The following SH3RF2 variants were observed in gnomAD, a reference collection of about 807,000 sequenced individuals.
SH3RF2 encodes the protein SH3 domain containing ring finger 2, also known as E3 ubiquitin-protein ligase SH3RF2.
SH3RF2 carries 43 observed loss-of-function variants against 59.0 expected under a neutral mutation model. The ratio of observed to expected loss-of-function variants is 0.73; its 90% CI spans 0.57 to 0.94. The LOEUF is 0.94. Ranked by LOEUF, SH3RF2 falls within the 40% of genes least tolerant of loss-of-function variation. The probability of loss-of-function intolerance (pLI) is 0.00; values close to 1 mark genes in which losing one functional copy is unlikely to be tolerated. For missense variants in SH3RF2, 930 were observed against 940.1 expected (o/e 0.99, Z 0.14); for synonymous variants, 391 against 391.5 (o/e 1.00, Z 0.01).
rs893708577 is a variant in SH3RF2, at chr5:146,060,139, A to G, written c.1829A>G (p.Lys610Arg). The G allele has an allele frequency of 6.2e-7, 1 of 1,614,194 alleles. No homozygotes were observed. Among genetic ancestry groups the G allele is most frequent in the Non-Finnish European group, 8.5e-7 (1 of 1,180,040 alleles). Residue 610 changes from lysine to arginine, a missense_variant, in exon 9 of 10, where the codon AAG becomes AGG. Physicochemically the swap from Lys to Arg is conservative, Grantham distance 26. Coordinates refer to ENST00000359120, the MANE Select transcript of SH3RF2 (RefSeq NM_152550.4). Reference protein sequence around the residue: ...LIMEDKEIPIKSEPLPKPPAS... With the variant: ...LIMEDKEIPIRSEPLPKPPAS... ...ATGGAAGACAAAGAAATCCCCATCA[A>G]GAGTGAGCCTCTGCCAAAACCGCCC...
chr5:146,026,933 C>T (rs1761549394), intron 5 of SH3RF2, among the ~76,000 whole-genome samples: 1 of 152,186 alleles, frequency 6.6e-6, no homozygotes, highest in East Asian at 1.9e-4. Flanking sequence ...TGGTAAATGG[C>T]TCAATAAATG....
At chr5:146,053,046 T>C (rs1003005341) in intron 7 of SH3RF2, among the ~76,000 whole-genome samples, 1 of 152,214 alleles carries the variant, frequency 6.6e-6, no homozygotes, top group Admixed American at 6.5e-5. Context: ...CATTTGAACC[T>C]ATGCTCTTAT....
chr5:146,005,993 C>G (rs191354988), intron 4 of SH3RF2, among the ~76,000 whole-genome samples: 134 of 152,170 alleles, frequency 8.8e-4, no homozygotes, highest in African/African-American at 3.2e-3. Context: ...TTTAATTATT[C>G]ACTAATTTTT....
intron 7 of SH3RF2, chr5:146,055,745 A>G (rs546337528): frequency 2.5e-5 from 14 of 568,416 alleles, no homozygotes; most frequent in Non-Finnish European, 4.1e-5. Flanking sequence ...CAAGGCCTTG[A>G]TATGAGCCCC....
intron 5 of SH3RF2, among the ~76,000 whole-genome samples, chr5:146,023,199 TTTTTTTC>T (rs967182541): frequency 5.3e-4 from 81 of 152,174 alleles, no homozygotes; most frequent in African/African-American, 9.6e-4. Context: ...CCATACATTC[TTTTTTTC>T]TTTTTTCTTT....
intron 5 of SH3RF2, among the ~76,000 whole-genome samples, chr5:146,018,507 T>C (rs1302706981): frequency 5.3e-5 from 8 of 149,754 alleles, no homozygotes; most frequent in Non-Finnish European, 1.0e-4. Context: ...TATAGATATA[T>C]ACACACCCAC....
At chr5:145,981,563 T>C (rs1283007797) in intron 2 of SH3RF2, among the ~76,000 whole-genome samples, 1 of 152,210 alleles carries the variant, frequency 6.6e-6, no homozygotes, top group Admixed American at 6.5e-5. Flanking sequence ...GATTGGGTCA[T>C]TTGCCTCGTA....
At chr5:145,997,284 G>T in intron 2 of SH3RF2, 1 of 988,690 alleles carries the variant, frequency 1.0e-6, no homozygotes, top group Admixed American at 1.7e-5. Context: ...TGGAACCAAA[G>T]AAGAGGAATC....
intron 4 of SH3RF2, 40 bp from the exon 5 acceptor site, chr5:146,013,707 C>A (rs755702416): frequency 3.7e-6 from 6 of 1,608,652 alleles, no homozygotes; most frequent in South Asian, 2.2e-5. Flanking sequence ...CACATTAGAT[C>A]AGGAAGACAA....
At chr5:145,985,301 G>A (rs1032526864) in intron 2 of SH3RF2, among the ~76,000 whole-genome samples, 1 of 152,124 alleles carries the variant, frequency 6.6e-6, no homozygotes, top group East Asian at 1.9e-4. Flanking sequence ...GTATAAATAC[G>A]CACACACACA....
chr5:145,982,359 C>T, intron 2 of SH3RF2, among the ~76,000 whole-genome samples: 1 of 152,218 alleles, frequency 6.6e-6, no homozygotes, highest in African/African-American at 2.4e-5. Context: ...GAGCACATTT[C>T]ATAGCACACC....
At chr5:145,990,666 C>G (rs770318649) in intron 2 of SH3RF2, among the ~76,000 whole-genome samples, 1 of 152,186 alleles carries the variant, frequency 6.6e-6, no homozygotes, top group Non-Finnish European at 1.5e-5. Context: ...CTTGTGGCTT[C>G]CAGACCCTAC....
chr5:146,061,102 A>G (rs895777274), intron 9 of SH3RF2, among the ~76,000 whole-genome samples: 1 of 152,188 alleles, frequency 6.6e-6, no homozygotes, highest in African/African-American at 2.4e-5. Flanking sequence ...TTGGTTAACC[A>G]GTTATCGAAT....
intron 2 of SH3RF2, among the ~76,000 whole-genome samples, chr5:145,972,098 A>T (rs1375646383): frequency 6.6e-6 from 1 of 152,318 alleles, no homozygotes; most frequent in South Asian, 2.1e-4. Context: ...TTCAAAAAAT[A>T]TGCTTCTTGG....
chr5:145,950,926 T>C (rs1286243345), intron 2 of SH3RF2, among the ~76,000 whole-genome samples: 2 of 152,222 alleles, frequency 1.3e-5, no homozygotes, highest in African/African-American at 2.4e-5. Flanking sequence ...TGACATGAAA[T>C]GTATCTGAGT....
At chr5:145,973,397 G>C (rs1295560473) in intron 2 of SH3RF2, among the ~76,000 whole-genome samples, 2 of 152,142 alleles carry the variant, frequency 1.3e-5, no homozygotes, top group Non-Finnish European at 2.9e-5. Context: ...CACCACCCAA[G>C]AAAAACAGTG....
At chr5:146,063,513 TACAA>T (rs1335414423), downstream of SH3RF2, among the ~76,000 whole-genome samples, 1 of 152,210 alleles carries the variant, frequency 6.6e-6, no homozygotes, top group Non-Finnish European at 1.5e-5. Context: ...ACAGCGTGCT[TACAA>T]ACAATCTTAT....
At chr5:145,998,709 G>C (rs776504165) in intron 2 of SH3RF2, among the ~76,000 whole-genome samples, 1 of 152,142 alleles carries the variant, frequency 6.6e-6, no homozygotes. Context: ...TCAGGAGATC[G>C]AGACCATCCT....
At chr5:146,020,086 C>T (rs145422472) in intron 5 of SH3RF2, among the ~76,000 whole-genome samples, 2 of 152,198 alleles carry the variant, frequency 1.3e-5, no homozygotes, top group Admixed American at 1.3e-4. Flanking sequence ...TTTGGATGCC[C>T]TTTATTTCTT....
Sources: allele counts gnomAD v4.1 joint callset (sites outside exome capture counted in the v4.1 genomes callset), GRCh38; gene constraint gnomAD v4.1.1; transcripts MANE v1.5; gene names NCBI Gene and HGNC (gene_info 2026-07-23, HGNC 2026-07-21).